The following AGTPBP1 variants were observed in gnomAD, a reference collection of about 807,000 sequenced individuals.
The protein encoded by AGTPBP1 is ATP/GTP binding carboxypeptidase 1, also known as cytosolic carboxypeptidase 1.
A neutral mutation model predicts 143.9 loss-of-function variants in AGTPBP1; 70 were observed. That is an observed-to-expected ratio of 0.49 (90% CI 0.40 to 0.59). The LOEUF is 0.59. Ranked by LOEUF, AGTPBP1 falls within the 20% of genes least tolerant of loss-of-function variation. AGTPBP1 has a pLI of 0.00. For synonymous variants in AGTPBP1, 463 were observed against 500.2 expected (o/e 0.93, Z 0.99); for missense variants, 1,229 against 1,464.5 (o/e 0.84, Z 2.62).
chr9:85,773,617 C>T, the AGTPBP1 span, among the ~76,000 whole-genome samples: 9 of 152,054 alleles, frequency 5.9e-5, no homozygotes, highest in East Asian at 1.2e-3. Context: ...GGACTACAGA[C>T]GTGAGCCACC....
At chr9:85,741,167 C>T (rs1262391697) in intron 1 of AGTPBP1, 7 of 971,396 alleles carry the variant, frequency 7.2e-6, no homozygotes, top group Non-Finnish European at 8.6e-6. Flanking sequence ...CAGGTTCAAA[C>T]CAAACGCTCA....
chr9:85,689,898 CAAAAAAAAAAA>C (rs1156931410), intron 3 of AGTPBP1, among the ~76,000 whole-genome samples: 7 of 28,344 alleles, frequency 2.5e-4, no homozygotes, highest in African/African-American at 7.4e-4. Context: ...GACTCTGCCT[CAAAAAAAAAAA>C]AAAAAAAAAA....
intron 17 of AGTPBP1, among the ~76,000 whole-genome samples, chr9:85,610,899 T>C (rs1437235433): frequency 6.6e-6 from 1 of 152,210 alleles, no homozygotes; most frequent in African/African-American, 2.4e-5. Flanking sequence ...AGATTTGCTT[T>C]ATGTTGTACT....
intron 25 of AGTPBP1, among the ~76,000 whole-genome samples, chr9:85,559,082 G>A (rs1300115932): frequency 6.6e-6 from 1 of 152,162 alleles, no homozygotes; most frequent in Non-Finnish European, 1.5e-5. Context: ...CTGTTTAATA[G>A]TTCAGATAAT....
At chr9:85,790,368 T>C in the AGTPBP1 span, among the ~76,000 whole-genome samples, 1 of 152,184 alleles carries the variant, frequency 6.6e-6, no homozygotes, top group South Asian at 2.1e-4. Context: ...TTTTAAATTA[T>C]CTGTAAACAA....
intron 7 of AGTPBP1, among the ~76,000 whole-genome samples, chr9:85,670,862 T>C (rs977882793): frequency 2.6e-5 from 4 of 152,186 alleles, no homozygotes; most frequent in African/African-American, 9.6e-5. Context: ...TCTAATTTCA[T>C]GTCTATACTG....
intron 14 of AGTPBP1, among the ~76,000 whole-genome samples, chr9:85,623,743 C>T (rs13439904): frequency 1.2e-3 from 179 of 146,836 alleles, no homozygotes; most frequent in African/African-American, 4.1e-3. Context: ...GGCGACAGAG[C>T]GAGACTCTGT....
intron 1 of AGTPBP1, among the ~76,000 whole-genome samples, chr9:85,721,823 C>A (rs1838144630): frequency 6.6e-6 from 1 of 152,086 alleles, no homozygotes; most frequent in Non-Finnish European, 1.5e-5. Flanking sequence ...TGTTCCTTTC[C>A]ATGTTTAGTG....
intron 5 of AGTPBP1, 128 bp downstream of exon 5, chr9:85,678,207 T>A: frequency 1.7e-6 from 1 of 572,882 alleles, no homozygotes; most frequent in Non-Finnish European, 2.9e-6. Context: ...CTATGACATT[T>A]CAGTTTCTAA....
rs1824335039 is a variant in AGTPBP1, at chr9:85,741,915, G to A, written c.-174C>T. ...TGGCAGGCGAGGCGGAGGCGGCGGC[G>A]GCGGCAGCTGCGGCGGCGGCGCTGG... On this transcript the variant is annotated 5_prime_UTR_variant, in exon 1 of 26. Transcript: ENST00000357081. 2.3e-6 allele frequency: 3 copies of A among 1,326,234 alleles called. No homozygotes were observed. Among genetic ancestry groups the A allele is most frequent in the Admixed American group, 3.9e-5 (1 of 25,932 alleles). The allele number at this position is 1,326,234 out of a possible 1,614,324, so 82.2% of individuals were successfully genotyped here.
chr9:85,662,094 G>A (rs1226503348), intron 8 of AGTPBP1, among the ~76,000 whole-genome samples: 1 of 152,134 alleles, frequency 6.6e-6, no homozygotes, highest in Non-Finnish European at 1.5e-5. Flanking sequence ...TACATCAGCA[G>A]TACAAGGGAA....
chr9:85,652,466 C>T (rs1223018609), intron 11 of AGTPBP1, among the ~76,000 whole-genome samples: 1 of 152,048 alleles, frequency 6.6e-6, no homozygotes, highest in Non-Finnish European at 1.5e-5. Context: ...GAGCTGAGAT[C>T]GCACCACTGC....
intron 5 of AGTPBP1, 58 bp downstream of exon 5, chr9:85,678,277 G>T: frequency 8.5e-7 from 1 of 1,180,174 alleles, no homozygotes; most frequent in Non-Finnish European, 1.2e-6. Context: ...AAGTGAATAC[G>T]ATACATTGTT....
chr9:85,776,727 A>C, the AGTPBP1 span, among the ~76,000 whole-genome samples: 2 of 152,168 alleles, frequency 1.3e-5, no homozygotes, highest in Non-Finnish European at 2.9e-5. Context: ...CTTTCAGTTT[A>C]ATGGAATCAT....
chr9:85,585,056 A>C (rs1401679087), intron 23 of AGTPBP1, among the ~76,000 whole-genome samples: 1 of 152,206 alleles, frequency 6.6e-6, no homozygotes, highest in Non-Finnish European at 1.5e-5. Context: ...TTTGCCCTAC[A>C]TGATATCAAT....
the AGTPBP1 span, among the ~76,000 whole-genome samples, chr9:85,789,719 T>C: frequency 6.6e-6 from 1 of 152,196 alleles, no homozygotes; most frequent in Non-Finnish European, 1.5e-5. Flanking sequence ...TCTTCATTAA[T>C]TGTGGACTAG....
At chr9:85,704,622 T>C (rs1836867735) in intron 2 of AGTPBP1, among the ~76,000 whole-genome samples, 1 of 152,144 alleles carries the variant, frequency 6.6e-6, no homozygotes, top group Non-Finnish European at 1.5e-5. Context: ...TTTTTTGAAG[T>C]AACTTAACTG....
upstream of AGTPBP1, chr9:85,742,035 G>T (rs1824352194): frequency 1.7e-6 from 2 of 1,192,872 alleles, no homozygotes; most frequent in Admixed American, 4.5e-5. Flanking sequence ...CGCAGGGAGT[G>T]GGGGCGGGGC....
chr9:85,708,058 A>G (rs1837128652), intron 2 of AGTPBP1, among the ~76,000 whole-genome samples: 1 of 152,216 alleles, frequency 6.6e-6, no homozygotes, highest in Admixed American at 6.5e-5. Flanking sequence ...AACTCAAAGT[A>G]TAATAAAAAA....
Sources: allele counts gnomAD v4.1 joint callset (sites outside exome capture counted in the v4.1 genomes callset), GRCh38; gene constraint gnomAD v4.1.1; transcripts MANE v1.5; gene names NCBI Gene and HGNC (gene_info 2026-07-23, HGNC 2026-07-21).